Variants in AFF4 observed in about 807,000 individuals in gnomAD.
AFF4 encodes ALF transcription elongation factor 4, also known as AF4/FMR2 family member 4.
In AFF4, 13 loss-of-function variants were observed where a neutral mutation model predicts 124.8. The observed-to-expected ratio is 0.10, with a 90% CI of 0.07 to 0.17. AFF4 has a LOEUF of 0.17. AFF4 is among the 10% of genes least tolerant of loss of function. The pLI is 1.00. For synonymous variants in AFF4, 477 were observed against 496.1 expected, an observed-to-expected ratio of 0.96 and a Z score of 0.51; for missense variants, 1,092 against 1,403.8, an observed-to-expected ratio of 0.78 and a Z score of 3.55.
intron 5 of AFF4, chr5:132,926,768 C>G (rs546199377): frequency 2.0e-5 from 3 of 146,436 alleles, no homozygotes; most frequent in African/African-American, 7.9e-5. Flanking sequence ...CTATGTTGAC[C>G]AGGCTGGTCG....
chr5:132,902,905 G>C (rs1007716091), intron 6 of AFF4, among the ~76,000 whole-genome samples: 11 of 152,026 alleles, frequency 7.2e-5, no homozygotes, highest in Non-Finnish European at 1.6e-4. Context: ...CATCGATAGG[G>C]GACTAGTGAA....
intron 13 of AFF4, 50 bp from the exon 14 acceptor site, chr5:132,889,223 A>C (rs373401552): frequency 3.1e-5 from 40 of 1,299,336 alleles, no homozygotes; most frequent in Non-Finnish European, 4.3e-5. Context: ...GAGATTAAAA[A>C]TGAAACTAAT....
chr5:132,901,117 C>G (rs894022597), intron 7 of AFF4: 1 of 985,332 alleles, frequency 1.0e-6, no homozygotes, highest in African/African-American at 1.7e-5. Context: ...GCATCTATCT[C>G]TACGACTGAT....
intron 5 of AFF4, among the ~76,000 whole-genome samples, chr5:132,914,429 C>T (rs1760862325): frequency 1.3e-5 from 2 of 150,970 alleles, no homozygotes; most frequent in South Asian, 2.1e-4. Flanking sequence ...GGTGAAACCC[C>T]GTCTCTAATA....
intron 5 of AFF4, among the ~76,000 whole-genome samples, chr5:132,922,547 C>T (rs1043694610): frequency 3.3e-5 from 5 of 151,898 alleles, no homozygotes; most frequent in East Asian, 3.8e-4. Context: ...TTTGGGAGGC[C>T]GAGGCAGGCG....
chr5:132,896,417 T>G lies in AFF4; in HGVS notation c.2213A>C (p.Lys738Thr). ...TTCTGGCACATTTTTCTTTTCCCCC[T>G]TGGGCGGCTCTGTTTCTTTGTAAGG... Reference protein sequence around the residue: ...GKPYKETEPPKGEKKNVPEKH... With the variant: ...GKPYKETEPPTGEKKNVPEKH... Residue 738 changes from lysine to threonine, a missense_variant, in exon 11 of 21, where the codon AAG becomes ACG. By Grantham distance (78) the Lys-to-Thr change is moderately conservative (BLOSUM62 -1). Transcript: ENST00000265343. The G allele has an allele frequency of 6.2e-7, 1 of 1,614,214 alleles. No individual in the cohort carries two copies. Among genetic ancestry groups the G allele is most frequent in the South Asian group, 1.1e-5 (1 of 91,082 alleles).
chr5:132,954,875 C>A (rs943257899), intron 1 of AFF4, among the ~76,000 whole-genome samples: 6 of 152,172 alleles, frequency 3.9e-5, no homozygotes, highest in African/African-American at 1.4e-4. Flanking sequence ...CATTTGCTGT[C>A]CACGGATGGC....
At chr5:132,923,733 T>C (rs1761106996) in intron 5 of AFF4, among the ~76,000 whole-genome samples, 1 of 152,160 alleles carries the variant, frequency 6.6e-6, no homozygotes, top group Admixed American at 6.5e-5. Flanking sequence ...CCTCAGTCTC[T>C]AAAAAATTAA....
chr5:132,958,216 A>G (rs564105806), intron 1 of AFF4, among the ~76,000 whole-genome samples: 4 of 152,222 alleles, frequency 2.6e-5, no homozygotes, highest in African/African-American at 9.6e-5. Flanking sequence ...GTTACTCAGC[A>G]GGCTATAGTC....
chr5:132,875,609 A>G lies in AFF4; in HGVS notation c.*5450T>C, dbSNP rs1052491380. The stretch of plus-strand genomic sequence containing the variant: ...ACACTCTAAACTTTCTATACTCTCA[A>G]TACCACAAAATACATATAATATACT... On this transcript the variant is annotated 3_prime_UTR_variant, in exon 21 of 21. Transcript: ENST00000265343. The G allele has an allele frequency of 5.1e-6, 1 of 195,058 alleles. No homozygotes were observed. Among genetic ancestry groups the G allele is most frequent in the African/African-American group, 2.3e-5 (1 of 43,184 alleles). The allele number at this position is 195,058 out of a possible 1,614,324, so 12.1% of individuals were successfully genotyped here.
chr5:132,895,298 A>C (rs918763559), intron 11 of AFF4, among the ~76,000 whole-genome samples: 4 of 152,264 alleles, frequency 2.6e-5, no homozygotes, highest in Non-Finnish European at 4.4e-5. Context: ...TTAAAGATTC[A>C]AAAAAGAAGT....
At chr5:132,885,035 T>C (rs771718724) in intron 19 of AFF4, 41 bp downstream of exon 19, 1 of 1,512,994 alleles carries the variant, frequency 6.6e-7, no homozygotes. Flanking sequence ...ATTTCACTTT[T>C]ATTGCCACAA....
At chr5:132,961,094 G>A in intron 1 of AFF4, among the ~76,000 whole-genome samples, 1 of 152,090 alleles carries the variant, frequency 6.6e-6, no homozygotes, top group East Asian at 1.9e-4. Context: ...GAATGGTAGT[G>A]TGTACCTGCA....
intron 1 of AFF4, among the ~76,000 whole-genome samples, chr5:132,946,955 G>C (rs1333933092): frequency 6.6e-6 from 1 of 152,116 alleles, no homozygotes; most frequent in Non-Finnish European, 1.5e-5. Flanking sequence ...TACTTGGGAG[G>C]TGGAGGCACG....
In AFF4 at chr5:132,887,947, A is replaced by G; in HGVS notation, c.2832T>C (p.Asp944=). Reference sequence around the variant, plus strand: ...CACATTCAATGAAAGATACCACAGCATCAAGATAGTATACAGCTTTCTCAA... The same window carrying G: ...CACATTCAATGAAAGATACCACAGCGTCAAGATAGTATACAGCTTTCTCAA... ...DRFEKAVYYL[D]AVVSFIECGN... is the part of the protein sequence containing the mutation. The change falls in exon 16 of 21, where the codon GAT becomes GAC. Residue 944 remains aspartate (D), a synonymous_variant. Coordinates refer to ENST00000265343, the MANE Select transcript of AFF4 (RefSeq NM_014423.4). The G allele has an allele frequency of 6.2e-7, 1 of 1,613,838 alleles. No homozygotes were observed. Among genetic ancestry groups the G allele is most frequent in the Non-Finnish European group, 8.5e-7 (1 of 1,179,960 alleles).
At chr5:132,898,773 C>T (rs1373959013) in intron 9 of AFF4, among the ~76,000 whole-genome samples, 1 of 152,210 alleles carries the variant, frequency 6.6e-6, no homozygotes, top group Non-Finnish European at 1.5e-5. Flanking sequence ...CGTGAGCCAC[C>T]GCGCCCGGCT....
At chr5:132,927,422 C>T (rs1761197241) in intron 4 of AFF4, 1 of 426,830 alleles carries the variant, frequency 2.3e-6, no homozygotes, top group African/African-American at 2.1e-5. Flanking sequence ...GAGGAGTTTA[C>T]AATTCAAATT....
chr5:132,938,288 C>CA (rs1400891278), intron 1 of AFF4, among the ~76,000 whole-genome samples: 1 of 143,688 alleles, frequency 7.0e-6, no homozygotes, highest in Non-Finnish European at 1.5e-5. Context: ...TTTTTTGAAA[C>CA]AGAGTCTTGC....
intron 11 of AFF4, among the ~76,000 whole-genome samples, chr5:132,895,053 A>T (rs10038027): frequency 0.32 from 48,948 of 152,106 alleles, 8,095 homozygotes; most frequent in Middle Eastern, 0.4. Flanking sequence ...CCTAGCTTCC[A>T]AAAGAGCAGA....
Sources: gnomAD v4.1 joint callset for allele counts (sites outside exome capture counted in the v4.1 genomes callset) on GRCh38, gnomAD v4.1.1 for gene constraint, MANE v1.5 for transcripts, NCBI Gene and HGNC (gene_info 2026-07-23, HGNC 2026-07-21) for gene names.